FAM216A: variants seen among roughly 807,000 people sequenced by gnomAD.
FAM216A encodes protein FAM216A.
In FAM216A, 26 loss-of-function variants were observed where a neutral mutation model predicts 37.6. The ratio of observed to expected loss-of-function variants is 0.69; its 90% CI spans 0.51 to 0.96. FAM216A has a LOEUF of 0.96. Ranked by LOEUF, FAM216A falls within the 40% of genes least tolerant of loss-of-function variation. The pLI is 0.00. For missense variants in FAM216A, 326 were observed against 339.3 expected (o/e 0.96, Z 0.31); for synonymous variants, 110 against 121.7 (o/e 0.90, Z 0.64).
At chr12:110,472,975 CAAAAAAAAAAAAA>C (rs879057348) in intron 1 of FAM216A, 90 bp from the exon 2 acceptor site, 2 of 87,252 alleles carry the variant, frequency 2.3e-5, no homozygotes, top group South Asian at 2.2e-4. Context: ...GACCCTGTCT[CAAAAAAAAAAAAA>C]AAAAAAAAAA....
Position 110,486,732 on chromosome 12 carries a change from G to A in FAM216A, c.620+15G>A, listed in dbSNP as rs2135555908. 6.3e-7 allele frequency: 1 copy of A among 1,589,570 alleles called. No individual in the cohort carries two copies. The highest frequency in any genetic ancestry group is 8.5e-7 in the Non-Finnish European group (1 of 1,171,156). On this transcript the variant is annotated intron_variant, in intron 5 of 6. Transcript: ENST00000377673. ...AACAAAGAAGGGTCTGTTTCTTAGT[G>A]TAAAAGGGGGGAAATGCATCTCAGT...
At chr12:110,470,070 A>G (rs1328141961) in intron 1 of FAM216A, among the ~76,000 whole-genome samples, 2 of 151,144 alleles carry the variant, frequency 1.3e-5, no homozygotes, top group African/African-American at 4.9e-5. Context: ...ACCCGCAGTC[A>G]GGGCCCCTGT....
chr12:110,478,699 A>C (rs2135547449), intron 2 of FAM216A, among the ~76,000 whole-genome samples: 1 of 152,270 alleles, frequency 6.6e-6, no homozygotes, highest in East Asian at 1.9e-4. Context: ...CAGGCACCCC[A>C]GTCCAGCCCA....
intron 2 of FAM216A, 37 bp from the exon 3 acceptor site, chr12:110,485,041 T>G: frequency 1.3e-6 from 2 of 1,589,730 alleles, no homozygotes; most frequent in Non-Finnish European, 1.7e-6. Context: ...TGAACTGATC[T>G]TTGCCTCTGA....
intron 1 of FAM216A, among the ~76,000 whole-genome samples, chr12:110,470,103 G>GTTT (rs776038983): frequency 1.4e-5 from 2 of 140,692 alleles, no homozygotes; most frequent in African/African-American, 2.6e-5. Flanking sequence ...CATCCTTTTT[G>GTTT]TTTTTTTTTT....
intron 5 of FAM216A, chr12:110,487,470 A>G (rs2062783883): frequency 5.4e-6 from 1 of 184,418 alleles, no homozygotes; most frequent in Non-Finnish European, 1.1e-5. Flanking sequence ...TACTGCACTG[A>G]TAAGAATATG....
At chr12:110,476,202 TG>T (rs2062713562) in intron 2 of FAM216A, among the ~76,000 whole-genome samples, 3 of 149,848 alleles carry the variant, frequency 2.0e-5, no homozygotes, top group South Asian at 2.1e-4. Context: ...CAGTTGTCAA[TG>T]TTTTTTTTTT....
At chr12:110,481,851 A>G (rs2062748851) in intron 2 of FAM216A, among the ~76,000 whole-genome samples, 1 of 152,172 alleles carries the variant, frequency 6.6e-6, no homozygotes, top group Non-Finnish European at 1.5e-5. Flanking sequence ...AACTTTTAAA[A>G]ATCTTAAATT....
chr12:110,468,922 C>T lies in FAM216A; in HGVS notation c.47C>T (p.Ala16Val). 2 of 1,522,994 alleles carry T rather than the reference C, an allele frequency of 1.3e-6. No homozygotes were observed. The highest frequency in any genetic ancestry group is 8.8e-7 in the Non-Finnish European group (1 of 1,137,942). The allele number at this position is 1,522,994 out of a possible 1,614,324, so 94.3% of individuals were successfully genotyped here. ...LPHTARGLGAAEMPGQGPGSD... is the reference protein window; with the variant it reads ...LPHTARGLGAVEMPGQGPGSD... Reference sequence around the variant, plus strand: ...CACACGGCTCGCGGTCTCGGCGCCGCGGAGATGCCCGGCCAGGGTCCGGGG... The same window carrying T: ...CACACGGCTCGCGGTCTCGGCGCCGTGGAGATGCCCGGCCAGGGTCCGGGG... Residue 16 changes from alanine to valine, a missense_variant, in exon 1 of 7, where the codon GCG (alanine) becomes GTG (valine). Ala to Val is a moderately conservative substitution (Grantham distance 64). Coordinates refer to ENST00000377673, the MANE Select transcript of FAM216A (RefSeq NM_013300.3).
chr12:110,471,087 C>T (rs2062684615), intron 1 of FAM216A, among the ~76,000 whole-genome samples: 1 of 151,920 alleles, frequency 6.6e-6, no homozygotes, highest in Non-Finnish European at 1.5e-5. Flanking sequence ...CTCCGGAACT[C>T]CTTACTTTTT....
At chr12:110,473,404 G>T (rs2062697705) in intron 2 of FAM216A, among the ~76,000 whole-genome samples, 1 of 152,114 alleles carries the variant, frequency 6.6e-6, no homozygotes, top group South Asian at 2.1e-4. Context: ...TAGAGACAGG[G>T]TTTCGCCATG....
Position 110,480,994 on chromosome 12 carries a change from G to A in FAM216A, c.185-4084G>A, listed in dbSNP as rs181186751. Among the ~76,000 whole-genome samples the A allele has an allele frequency of 1.5e-4, 23 of 152,038 alleles. No homozygotes were observed. The East Asian group carries it at 4.2e-3, about 28-fold the overall frequency. On this transcript the variant is annotated intron_variant, in intron 2 of 6. Transcript: ENST00000377673. Reference sequence around the variant, plus strand: ...CTCCGTATATATTTGATTTTCCTAGGTATCTCATAAAAGTTAAATCATACA... The same window carrying A: ...CTCCGTATATATTTGATTTTCCTAGATATCTCATAAAAGTTAAATCATACA...
rs1489449960 is a variant in FAM216A at position 110,468,846 on chromosome 12, G to T, written c.-30G>T. ...GAGCCGCCTCTCCGGAATACCAGCA[G>T]CCTGACGCACGCGTGCTGTCGGGGG... On this transcript the variant is annotated 5_prime_UTR_variant, in exon 1 of 7. Coordinates refer to ENST00000377673, the MANE Select transcript of FAM216A (RefSeq NM_013300.3). 7.4e-6 allele frequency: 11 copies of T among 1,480,640 alleles called. No individual in the cohort carries two copies. Among genetic ancestry groups the T allele is most frequent in the African/African-American group, 7.0e-5 (5 of 71,500 alleles). 91.7% of individuals were successfully genotyped at this position (1,480,640 alleles called of 1,614,324 possible). A position where few individuals can be genotyped will look rare whatever the true frequency, so the allele number is the denominator to read the frequency against.
chr12:110,473,932 T>C (rs2062701217), intron 2 of FAM216A, among the ~76,000 whole-genome samples: 1 of 152,152 alleles, frequency 6.6e-6, no homozygotes, highest in Non-Finnish European at 1.5e-5. Context: ...ATTAACTGAC[T>C]GTAGGAGTGT....
intron 2 of FAM216A, among the ~76,000 whole-genome samples, chr12:110,479,413 A>G (rs2062733452): frequency 6.6e-6 from 1 of 151,878 alleles, no homozygotes; most frequent in African/African-American, 2.4e-5. Flanking sequence ...TCCTCTTTCC[A>G]TATTAATAGG....
chr12:110,470,706 T>G (rs904428234), intron 1 of FAM216A, among the ~76,000 whole-genome samples: 1 of 152,022 alleles, frequency 6.6e-6, no homozygotes, highest in Admixed American at 6.6e-5. Context: ...TCTATTATGA[T>G]CCCCACTTTA....
At chr12:110,473,239 T>C in intron 2 of FAM216A, 121 bp downstream of exon 2, 1 of 420,622 alleles carries the variant, frequency 2.4e-6, no homozygotes, top group East Asian at 4.5e-5. Context: ...TGAGATGGAG[T>C]CTCACTCTGT....
At chr12:110,476,583 G>A (rs1413042158) in intron 2 of FAM216A, among the ~76,000 whole-genome samples, 4 of 151,846 alleles carry the variant, frequency 2.6e-5, no homozygotes, top group African/African-American at 9.7e-5. Flanking sequence ...CTGGAGTGTT[G>A]TTGCACAATC....
chr12:110,484,844 CCGGGTTCA>C (rs2062767618), intron 2 of FAM216A, among the ~76,000 whole-genome samples: 1 of 151,890 alleles, frequency 6.6e-6, no homozygotes, highest in South Asian at 2.1e-4. Context: ...GCTCCGCCTC[CCGGGTTCA>C]CGCCATTCTC....
Sources: allele counts gnomAD v4.1 joint callset (sites outside exome capture counted in the v4.1 genomes callset), GRCh38; gene constraint gnomAD v4.1.1; transcripts MANE v1.5; gene names NCBI Gene and HGNC (gene_info 2026-07-23, HGNC 2026-07-21).